MIB1: variants seen among roughly 807,000 people sequenced by gnomAD.
MIB1 encodes MIB E3 ubiquitin protein ligase 1.
Under a neutral mutation model 124.5 loss-of-function variants are expected in MIB1, and 278 were observed. The observed-to-expected ratio is 2.23, with a 90% CI of 2.02 to 2.47. The LOEUF (loss-of-function observed/expected upper bound fraction) is 2.47, where lower values mean the gene tolerates loss of function less well. MIB1 is among the 30% of genes most tolerant of loss of function. The pLI, the probability that MIB1 is intolerant of heterozygous loss-of-function variation, is 0.00. For missense variants in MIB1, 957 were observed against 1,254.4 expected (o/e 0.76, Z 3.58); for synonymous variants, 446 against 429.4 (o/e 1.04, Z -0.48).
chr18:21,858,083 T>C (rs765358368), intron 19 of MIB1, among the ~76,000 whole-genome samples: 2 of 152,206 alleles, frequency 1.3e-5, no homozygotes, highest in Non-Finnish European at 2.9e-5. Flanking sequence ...CGAGGAAGTT[T>C]AGTCATAAAG....
intron 2 of MIB1, among the ~76,000 whole-genome samples, chr18:21,766,841 C>T (rs1422987287): frequency 6.6e-6 from 1 of 152,034 alleles, no homozygotes; most frequent in East Asian, 1.9e-4. Flanking sequence ...GCGTTCAAGA[C>T]CACCCCGGAC....
chr18:21,843,317 A>G, intron 14 of MIB1, 100 bp downstream of exon 14: 1 of 707,070 alleles, frequency 1.4e-6, no homozygotes, highest in Non-Finnish European at 2.2e-6. Context: ...ACATGTCTCA[A>G]GCTGGCATAG....
chr18:21,840,659 ATATATATTTTTTTTT>A (rs936054420), intron 13 of MIB1, among the ~76,000 whole-genome samples: 2 of 1,670 alleles, frequency 1.2e-3, no homozygotes, highest in African/African-American at 2.2e-3. Context: ...ATATATATAT[ATATATATTTTTTTTT>A]TTTTTTAATT....
chr18:21,761,212 G>C (rs946407326), intron 1 of MIB1, among the ~76,000 whole-genome samples: 1 of 148,298 alleles, frequency 6.7e-6, no homozygotes, highest in Admixed American at 6.8e-5. Context: ...AACTATTCTC[G>C]GTCACACAAA....
At chr18:21,718,859 T>C (rs2040701541) in intron 1 of MIB1, among the ~76,000 whole-genome samples, 1 of 152,052 alleles carries the variant, frequency 6.6e-6, no homozygotes, top group Non-Finnish European at 1.5e-5. Context: ...AAGACGAGTC[T>C]AGTCAACATA....
At chr18:21,819,991 C>A (rs1283426130) in intron 12 of MIB1, among the ~76,000 whole-genome samples, 1 of 151,952 alleles carries the variant, frequency 6.6e-6, no homozygotes, top group African/African-American at 2.4e-5. Context: ...GCCATTTGCA[C>A]GATAATTATT....
chr18:21,736,591 C>T (rs928370560), upstream of MIB1, among the ~76,000 whole-genome samples: 1 of 152,142 alleles, frequency 6.6e-6, no homozygotes, highest in Non-Finnish European at 1.5e-5. Context: ...CATGTTCTAA[C>T]CCAATGCAAG....
chr18:21,738,863 A>C (rs2040809490), upstream of MIB1, among the ~76,000 whole-genome samples: 3 of 144,264 alleles, frequency 2.1e-5, no homozygotes, highest in Non-Finnish European at 3.0e-5. Flanking sequence ...AAAAAAAAAA[A>C]AAAACCAACA....
chr18:21,842,424 C>T (rs2042099490), intron 13 of MIB1, among the ~76,000 whole-genome samples: 1 of 152,102 alleles, frequency 6.6e-6, no homozygotes, highest in Non-Finnish European at 1.5e-5. Context: ...CACATTAGCC[C>T]TGTGAAATAG....
chr18:21,857,482 A>G (rs2042239787), intron 19 of MIB1, among the ~76,000 whole-genome samples: 1 of 152,256 alleles, frequency 6.6e-6, no homozygotes, highest in African/African-American at 2.4e-5. Context: ...CATGTATGCT[A>G]TAAAGAATAT....
intron 12 of MIB1, 28 bp from the exon 13 acceptor site, chr18:21,838,337 A>G (rs1435707261): frequency 4.0e-6 from 6 of 1,507,616 alleles, no homozygotes; most frequent in Non-Finnish European, 5.4e-6. Flanking sequence ...TTATGCAAAT[A>G]TAGAAATAAT....
chr18:21,811,728 T>G (rs1192156511), intron 10 of MIB1, among the ~76,000 whole-genome samples: 1 of 151,974 alleles, frequency 6.6e-6, no homozygotes, highest in African/African-American at 2.4e-5. Flanking sequence ...GGTGTAGAGT[T>G]TCAGTTTTCT....
intron 12 of MIB1, among the ~76,000 whole-genome samples, chr18:21,835,840 A>ACACATACACAAACAC: frequency 9.3e-6 from 1 of 108,062 alleles, no homozygotes. Flanking sequence ...CACACACACA[A>ACACATACACAAACAC]ACACACACGA....
chr18:21,730,562 T>C (rs1327431750), intron 1 of MIB1, among the ~76,000 whole-genome samples: 1 of 151,790 alleles, frequency 6.6e-6, no homozygotes, highest in Non-Finnish European at 1.5e-5. Flanking sequence ...AGTAAGACTC[T>C]GTCTAAAAAA....
At chr18:21,722,925 T>C (rs956114425) in intron 1 of MIB1, among the ~76,000 whole-genome samples, 2 of 152,190 alleles carry the variant, frequency 1.3e-5, no homozygotes, top group African/African-American at 4.8e-5. Context: ...TTCTGCACTG[T>C]AAAGTAACTA....
intron 12 of MIB1, among the ~76,000 whole-genome samples, chr18:21,836,480 C>T (rs1439346122): frequency 1.3e-5 from 2 of 152,094 alleles, no homozygotes; most frequent in African/African-American, 4.8e-5. Flanking sequence ...TCTTCTGCGT[C>T]ATCCCTCCTT....
At chr18:21,720,374 A>G (rs1291099824) in intron 1 of MIB1, among the ~76,000 whole-genome samples, 1 of 152,212 alleles carries the variant, frequency 6.6e-6, no homozygotes, top group Non-Finnish European at 1.5e-5. Flanking sequence ...TCATCCAGAA[A>G]TTAAGGGTAT....
At chr18:21,782,185 C>T (rs1203157299) in intron 6 of MIB1, among the ~76,000 whole-genome samples, 3 of 152,014 alleles carry the variant, frequency 2.0e-5, no homozygotes, top group Non-Finnish European at 2.9e-5. Context: ...TGCAATGGCG[C>T]GATCTCAGCT....
At chr18:21,795,388 A>AT (rs1397191024) in intron 7 of MIB1, among the ~76,000 whole-genome samples, 1 of 144,784 alleles carries the variant, frequency 6.9e-6, no homozygotes, top group Non-Finnish European at 1.5e-5. Context: ...ATTTATATTT[A>AT]TTTTTATATA....
Sources: gnomAD v4.1 joint callset for allele counts (sites outside exome capture counted in the v4.1 genomes callset) on GRCh38, gnomAD v4.1.1 for gene constraint, MANE v1.5 for transcripts, NCBI Gene and HGNC (gene_info 2026-07-23, HGNC 2026-07-21) for gene names.